GAS2: variants seen among roughly 807,000 people sequenced by gnomAD.
GAS2 encodes the protein growth arrest-specific protein 2.
Under a neutral mutation model 37.5 loss-of-function variants are expected in GAS2, and 20 were observed. That is an observed-to-expected ratio of 0.53 (90% CI 0.37 to 0.77). GAS2 has a LOEUF of 0.77. GAS2 is among the 30% of genes least tolerant of loss of function. The probability of loss-of-function intolerance (pLI) is 0.00; values close to 1 mark genes in which losing one functional copy is unlikely to be tolerated. For missense variants in GAS2, 336 were observed against 373.4 expected (o/e 0.90, Z 0.82); for synonymous variants, 144 against 132.2 (o/e 1.09, Z -0.61).
chr11:22,709,418 G>A (rs1167032242), intron 3 of GAS2, among the ~76,000 whole-genome samples: 2 of 152,072 alleles, frequency 1.3e-5, no homozygotes, highest in African/African-American at 4.8e-5. Flanking sequence ...TAAATTAATT[G>A]AAGATAAGCT....
intron 7 of GAS2, among the ~76,000 whole-genome samples, chr11:22,771,178 G>GT (rs773289670): frequency 1.3e-5 from 2 of 151,262 alleles, no homozygotes; most frequent in Non-Finnish European, 2.9e-5. Flanking sequence ...CAGATCTATT[G>GT]TGGGTGGCTA....
chr11:22,770,494 A>G (rs1854924929), intron 7 of GAS2, among the ~76,000 whole-genome samples: 1 of 152,190 alleles, frequency 6.6e-6, no homozygotes. Context: ...TCACTTACTT[A>G]ACAATTTTCT....
At chr11:22,671,288 ATTT>A (rs1274293947) in intron 1 of GAS2, among the ~76,000 whole-genome samples, 1 of 151,926 alleles carries the variant, frequency 6.6e-6, no homozygotes. Flanking sequence ...TTGAAGTTTT[ATTT>A]TTCTGGATTC....
At chr11:22,653,968 T>C (rs1400986876) in intron 1 of GAS2, among the ~76,000 whole-genome samples, 2 of 152,210 alleles carry the variant, frequency 1.3e-5, no homozygotes, top group Non-Finnish European at 2.9e-5. Context: ...TCAAGTCACA[T>C]GGAGAAGGCT....
chr11:22,730,446 A>G (rs557825204), intron 4 of GAS2, among the ~76,000 whole-genome samples: 3 of 151,938 alleles, frequency 2.0e-5, no homozygotes, highest in African/African-American at 4.8e-5. Context: ...TCTATGTTGT[A>G]TCATAACAAA....
intron 2 of GAS2, among the ~76,000 whole-genome samples, chr11:22,683,894 C>T (rs893152490): frequency 6.6e-6 from 1 of 152,122 alleles, no homozygotes; most frequent in South Asian, 2.1e-4. Context: ...AGAAGACAAA[C>T]ACTGCATACA....
At chr11:22,675,157 G>C in intron 2 of GAS2, 143 bp downstream of exon 2, 1 of 800,652 alleles carries the variant, frequency 1.2e-6, no homozygotes, top group Non-Finnish European at 1.9e-6. Flanking sequence ...TGGGAAACCT[G>C]AAGCAGGTGG....
intron 4 of GAS2, among the ~76,000 whole-genome samples, chr11:22,728,002 C>T (rs959862435): frequency 5.5e-4 from 83 of 152,002 alleles, no homozygotes; most frequent in African/African-American, 2.0e-3. Context: ...CATGTGTGGA[C>T]GATTAACATC....
At chr11:22,708,493 A>G (rs1367141518) in intron 3 of GAS2, among the ~76,000 whole-genome samples, 3 of 152,152 alleles carry the variant, frequency 2.0e-5, no homozygotes, top group Non-Finnish European at 4.4e-5. Context: ...TTATTATGCC[A>G]TTTCACAGAT....
chr11:22,692,951 A>T (rs1850322423), intron 3 of GAS2, among the ~76,000 whole-genome samples: 1 of 151,998 alleles, frequency 6.6e-6, no homozygotes. Context: ...TTCCTACCTG[A>T]CCCCTACTAC....
chr11:22,719,355 G>A (rs1464997001), intron 3 of GAS2, among the ~76,000 whole-genome samples: 1 of 151,968 alleles, frequency 6.6e-6, no homozygotes, highest in Non-Finnish European at 1.5e-5. Context: ...CACCGTTCTA[G>A]TCCCTGACTT....
chr11:22,637,784 A>C (rs891359804), intron 1 of GAS2, among the ~76,000 whole-genome samples: 1 of 146,116 alleles, frequency 6.8e-6, no homozygotes, highest in African/African-American at 2.5e-5. Context: ...TTATTCATAT[A>C]TGTAAACTAT....
intron 3 of GAS2, chr11:22,702,613 T>C (rs570523027): frequency 1.7e-4 from 26 of 152,132 alleles, no homozygotes; most frequent in Non-Finnish European, 3.4e-4. Flanking sequence ...GAGGGTAAAA[T>C]AAAATCTATC....
At chr11:22,657,795 A>T (rs953676655) in intron 1 of GAS2, among the ~76,000 whole-genome samples, 9 of 152,170 alleles carry the variant, frequency 5.9e-5, no homozygotes, top group African/African-American at 1.9e-4. Context: ...TGAGCATCAA[A>T]TCTTGGCCCA....
intron 2 of GAS2, among the ~76,000 whole-genome samples, chr11:22,682,587 T>C (rs543592936): frequency 6.6e-6 from 1 of 152,156 alleles, no homozygotes; most frequent in East Asian, 1.9e-4. Flanking sequence ...AATTTTCTTA[T>C]TAGAAAATGT....
At chr11:22,645,697 A>G (rs1370625592) in intron 1 of GAS2, among the ~76,000 whole-genome samples, 1 of 151,956 alleles carries the variant, frequency 6.6e-6, no homozygotes, top group Non-Finnish European at 1.5e-5. Flanking sequence ...AAGAATGTCA[A>G]ATTTTATAGT....
chr11:22,690,304 A>G (rs1269608452), intron 3 of GAS2, among the ~76,000 whole-genome samples: 2 of 152,220 alleles, frequency 1.3e-5, no homozygotes, highest in Non-Finnish European at 2.9e-5. Flanking sequence ...TGACTCTTTT[A>G]TATCCAGCTT....
intron 1 of GAS2, among the ~76,000 whole-genome samples, chr11:22,649,828 C>CTA (rs1440671338): frequency 1.3e-5 from 2 of 151,672 alleles, no homozygotes; most frequent in Non-Finnish European, 2.9e-5. Flanking sequence ...ATTAGTCTTG[C>CTA]TAGTGGTCTA....
intron 4 of GAS2, among the ~76,000 whole-genome samples, chr11:22,732,258 C>A (rs1852514432): frequency 6.6e-6 from 1 of 151,630 alleles, no homozygotes; most frequent in Non-Finnish European, 1.5e-5. Flanking sequence ...ATTATTTTAA[C>A]CTGGGTGCTG....
Sources: gnomAD v4.1 joint callset for allele counts (sites outside exome capture counted in the v4.1 genomes callset) on GRCh38, gnomAD v4.1.1 for gene constraint, MANE v1.5 for transcripts, NCBI Gene and HGNC (gene_info 2026-07-23, HGNC 2026-07-21) for gene names.